ZC3H3: variants seen among roughly 807,000 people sequenced by gnomAD.
ZC3H3 encodes the protein zinc finger CCCH-type containing 3.
In ZC3H3, 36 loss-of-function variants were observed where a neutral mutation model predicts 77.3. The ratio of observed to expected loss-of-function variants is 0.47; its 90% confidence interval spans 0.36 to 0.61. The LOEUF (loss-of-function observed/expected upper bound fraction) is 0.61. ZC3H3 is among the 20% of genes least tolerant of loss of function. The pLI is 0.00. For missense variants in ZC3H3, 1,331 were observed against 1,312.2 expected (o/e 1.01, Z -0.22); for synonymous variants, 626 against 555.2 (o/e 1.13, Z -1.79).
At chr8:143,524,625 A>G (rs1822353207) in intron 3 of ZC3H3, among the ~76,000 whole-genome samples, 1 of 152,230 alleles carries the variant, frequency 6.6e-6, no homozygotes, top group Admixed American at 6.5e-5. Flanking sequence ...GCCCTTGGGG[A>G]GGAGACTGGC....
intron 3 of ZC3H3, among the ~76,000 whole-genome samples, chr8:143,528,260 G>A (rs948289651): frequency 1.3e-5 from 2 of 152,312 alleles, no homozygotes; most frequent in African/African-American, 4.8e-5. Flanking sequence ...TGACCACAGC[G>A]CTCCAGCTCC....
chr8:143,465,480 G>A (rs777317004), intron 9 of ZC3H3, among the ~76,000 whole-genome samples: 2 of 152,234 alleles, frequency 1.3e-5, no homozygotes, highest in East Asian at 1.9e-4. Context: ...GCACCTGGAA[G>A]TCTAGGTCCT....
chr8:143,524,042 G>A lies in ZC3H3; in HGVS notation c.1561+12215C>T, dbSNP rs141235116. Among the ~76,000 whole-genome samples the A allele has an allele frequency of 6.8e-4, 103 of 152,392 alleles. 1 individual carries two copies. The East Asian group carries it at 0.017, about 26-fold the overall frequency. On this transcript the variant is annotated intron_variant, in intron 3 of 11. Coordinates refer to ENST00000262577, the MANE Select transcript of ZC3H3 (RefSeq NM_015117.3). ...GGGCGCAAGCCTGGAACAGAAGTCCGTGTTCCCAGGTGGCCCCGTCTCTCC... is the reference window on the plus strand; with the variant it reads ...GGGCGCAAGCCTGGAACAGAAGTCCATGTTCCCAGGTGGCCCCGTCTCTCC...
intron 3 of ZC3H3, among the ~76,000 whole-genome samples, chr8:143,515,878 G>A (rs1822023870): frequency 6.6e-6 from 1 of 152,352 alleles, no homozygotes; most frequent in Middle Eastern, 3.4e-3. Flanking sequence ...ATCTATGTGG[G>A]CAGACCCCTG....
At chr8:143,480,399 G>A (rs761016168) in intron 4 of ZC3H3, among the ~76,000 whole-genome samples, 21 of 152,348 alleles carry the variant, frequency 1.4e-4, no homozygotes, top group Non-Finnish European at 2.2e-4. Context: ...TACCCACTCC[G>A]AGGGCACTGC....
intron 11 of ZC3H3, among the ~76,000 whole-genome samples, chr8:143,439,726 C>T (rs761396293): frequency 2.0e-5 from 3 of 152,354 alleles, no homozygotes; most frequent in South Asian, 4.1e-4. Flanking sequence ...CCCTGGCGCC[C>T]GTGGGACTCA....
intron 4 of ZC3H3, among the ~76,000 whole-genome samples, chr8:143,480,050 G>A (rs926902869): frequency 5.3e-5 from 8 of 152,286 alleles, no homozygotes; most frequent in East Asian, 1.9e-4. Flanking sequence ...TGGGCCCCTC[G>A]GACCTGCTGA....
In ZC3H3 at chr8:143,493,562, C is replaced by A. The variant is rs1821265647; in HGVS notation, c.1715+14184G>T. ...TGGGCACTGCCAAGGACTCCACTCA[C>A]AAAGCCGAAAGGCCTGCCTGCCTCA... On this transcript the variant is annotated intron_variant, in intron 4 of 11. Transcript: ENST00000262577. This position sits in a 1 kb window ranked among gnomAD's most constrained non-coding sequence, Gnocchi z 4.8. Among the ~76,000 whole-genome samples the A allele has an allele frequency of 6.6e-6, 1 of 152,206 alleles. No homozygotes were observed. Among genetic ancestry groups the A allele is most frequent in the Non-Finnish European group, 1.5e-5 (1 of 68,032 alleles).
intron 4 of ZC3H3, among the ~76,000 whole-genome samples, chr8:143,478,129 A>G (rs1820793691): frequency 6.6e-6 from 1 of 152,068 alleles, no homozygotes; most frequent in Non-Finnish European, 1.5e-5. Flanking sequence ...CCAGCTCTCC[A>G]CCTGGGTCCA....
At chr8:143,461,793 G>A (rs900296837) in intron 9 of ZC3H3, among the ~76,000 whole-genome samples, 15 of 152,120 alleles carry the variant, frequency 9.9e-5, no homozygotes, top group Non-Finnish European at 1.9e-4. Flanking sequence ...AGACAGAAGT[G>A]GATGAGTGTT....
In ZC3H3 at chr8:143,462,891, CCT is replaced by C. The variant is rs1820302989; in HGVS notation, c.2307+2824_2307+2825del. ...CAACAAGCACACGCAGCGCCCAGAC[CCT>C]GAGTCCTAAACACACCCAGAAGGAA... On this transcript the variant is annotated intron_variant, in intron 9 of 11. Transcript: ENST00000262577. This position sits in a 1 kb window ranked among gnomAD's most constrained non-coding sequence, Gnocchi z 4.7. Among the ~76,000 whole-genome samples, 1 of 152,180 alleles carries C rather than the reference CCT, an allele frequency of 6.6e-6. No individual in the cohort carries two copies. The highest frequency in any genetic ancestry group is 2.4e-5 in the African/African-American group (1 of 41,440).
At chr8:143,480,149 C>T (rs1189502639) in intron 4 of ZC3H3, among the ~76,000 whole-genome samples, 1 of 152,234 alleles carries the variant, frequency 6.6e-6, no homozygotes. Flanking sequence ...TGTCACCTGT[C>T]CCCAGGACTT....
At chr8:143,472,991 C>T (rs1386177476) in intron 5 of ZC3H3, among the ~76,000 whole-genome samples, 2 of 152,200 alleles carry the variant, frequency 1.3e-5, no homozygotes, top group Non-Finnish European at 2.9e-5. Context: ...TTCCGCAGAG[C>T]AGGGCAGGGC....
Position 143,440,216 on chromosome 8 carries a change from TGAGGAG to T in ZC3H3, c.2634_2639del (p.Ser880_Ser881del), listed in dbSNP as rs35759992. On this transcript the variant is annotated inframe_deletion, in exon 11 of 12. Transcript: ENST00000262577. ...CGTGGTCCAAGGAAGCGGGAGGGGA[TGAGGAG>T]GAGGAGGAGGAGGAGGAAGCCTTCG... 6.8e-5 allele frequency: 107 copies of T among 1,567,992 alleles called. No homozygotes were observed. Among genetic ancestry groups the T allele is most frequent in the Non-Finnish European group, 8.5e-5 (98 of 1,147,796 alleles).
chr8:143,452,967 G>C (rs1820025416), intron 9 of ZC3H3, among the ~76,000 whole-genome samples: 1 of 152,172 alleles, frequency 6.6e-6, no homozygotes, highest in Non-Finnish European at 1.5e-5. Context: ...ACCTCAGACA[G>C]GATAGACCAA....
intron 4 of ZC3H3, among the ~76,000 whole-genome samples, chr8:143,504,223 AG>A (rs747788023): frequency 1.4e-4 from 22 of 152,202 alleles, no homozygotes; most frequent in Non-Finnish European, 3.1e-4. Flanking sequence ...GAGGAACTGC[AG>A]AGGGGTCCTG....
intron 4 of ZC3H3, among the ~76,000 whole-genome samples, chr8:143,505,291 G>A (rs1490523414): frequency 7.2e-5 from 11 of 152,228 alleles, no homozygotes; most frequent in African/African-American, 2.7e-4. Flanking sequence ...GCCTGCCGAG[G>A]GAGGGCTGAG....
At chr8:143,442,416 G>C (rs1303164080) in intron 9 of ZC3H3, among the ~76,000 whole-genome samples, 2 of 100,822 alleles carry the variant, frequency 2.0e-5, no homozygotes, top group South Asian at 8.9e-4. Context: ...GGGTGGGGGG[G>C]CGGGGGCAAG....
chr8:143,464,912 CG>C (rs1820366536), intron 9 of ZC3H3, among the ~76,000 whole-genome samples: 1 of 152,108 alleles, frequency 6.6e-6, no homozygotes, highest in Non-Finnish European at 1.5e-5. Context: ...GAGAAACAGG[CG>C]TGAGAGGCTG....
Sources: gnomAD v4.1 joint callset for allele counts (sites outside exome capture counted in the v4.1 genomes callset) on GRCh38, gnomAD v4.1.1 for gene constraint, Gnocchi (gnomAD v3.1) non-coding constraint, MANE v1.5 for transcripts, NCBI Gene and HGNC (gene_info 2026-07-23, HGNC 2026-07-21) for gene names.